ENTPD1: variants seen among roughly 807,000 people sequenced by gnomAD.
ENTPD1 encodes the protein ATP diphosphohydrolase.
Under a neutral mutation model 57.0 loss-of-function variants are expected in ENTPD1, and 33 were observed. That is an observed-to-expected ratio of 0.58 (90% CI 0.44 to 0.77). The LOEUF (loss-of-function observed/expected upper bound fraction) is 0.77, where lower values mean the gene tolerates loss of function less well. Ranked by LOEUF, ENTPD1 falls within the 30% of genes least tolerant of loss-of-function variation. The probability of loss-of-function intolerance (pLI) is 0.00; values close to 1 mark genes in which losing one functional copy is unlikely to be tolerated. For synonymous variants in ENTPD1, 202 were observed against 218.8 expected, an observed-to-expected ratio of 0.92 and a Z score of 0.68; for missense variants, 501 against 603.4, an observed-to-expected ratio of 0.83 and a Z score of 1.78.
At chr10:95,773,509 G>C (rs1303502063) in intron 1 of ENTPD1, among the ~76,000 whole-genome samples, 1 of 151,582 alleles carries the variant, frequency 6.6e-6, no homozygotes, top group Non-Finnish European at 1.5e-5. Context: ...AGCCTTTTTT[G>C]TTCCATTTAT....
chr10:95,834,752 T>C (rs1030718377), intron 2 of ENTPD1, among the ~76,000 whole-genome samples: 2 of 151,978 alleles, frequency 1.3e-5, no homozygotes, highest in African/African-American at 4.8e-5. Context: ...CATTTCCAGG[T>C]CTTCACCAAG....
intron 2 of ENTPD1, among the ~76,000 whole-genome samples, chr10:95,827,673 G>A (rs535324041): frequency 2.8e-4 from 43 of 152,050 alleles, no homozygotes; most frequent in African/African-American, 9.6e-4. Flanking sequence ...TAGTAGAGAC[G>A]GGGTTTCACC....
At chr10:95,749,279 G>A (rs913840324) in intron 1 of ENTPD1, among the ~76,000 whole-genome samples, 11 of 152,158 alleles carry the variant, frequency 7.2e-5, no homozygotes, top group Admixed American at 1.3e-4. Context: ...TAATGAATTC[G>A]TTCTAAAGGT....
intron 2 of ENTPD1, among the ~76,000 whole-genome samples, chr10:95,834,876 T>C (rs2098405711): frequency 6.6e-6 from 1 of 151,946 alleles, no homozygotes. Context: ...ATGATCTTCA[T>C]GTGATCACTG....
intron 1 of ENTPD1, among the ~76,000 whole-genome samples, chr10:95,721,716 C>G (rs1406059144): frequency 6.6e-6 from 1 of 151,912 alleles, no homozygotes; most frequent in African/African-American, 2.4e-5. Context: ...TGCCATCACC[C>G]CTAGTCATTC....
At chr10:95,748,105 C>T (rs2098007987) in intron 1 of ENTPD1, among the ~76,000 whole-genome samples, 1 of 152,096 alleles carries the variant, frequency 6.6e-6, no homozygotes, top group African/African-American at 2.4e-5. Flanking sequence ...GATCTCCTGA[C>T]CTCGTGATCC....
At chr10:95,748,152 C>A (rs770242776) in intron 1 of ENTPD1, among the ~76,000 whole-genome samples, 1 of 152,146 alleles carries the variant, frequency 6.6e-6, no homozygotes, top group Non-Finnish European at 1.5e-5. Context: ...GGATTACAGG[C>A]GTGAGCCACC....
At position 95,867,673 on chromosome 10, in the gene ENTPD1, C is replaced by G. The variant is rs1555308697; in HGVS notation, c.*1290C>G. 1 of 985,306 alleles carries G rather than the reference C, an allele frequency of 1.0e-6. No individual in the cohort carries two copies. The highest frequency in any genetic ancestry group is 1.1e-4 in the East Asian group (1 of 8,822). 61.0% of individuals were successfully genotyped at this position (985,306 alleles called of 1,614,324 possible). A position where few individuals can be genotyped will look rare whatever the true frequency, so the allele number is the denominator to read the frequency against. Reference sequence around the variant, plus strand: ...CATGGAAACATGAAGAGACCCTGCACCCCTTTCCTTAAGGATTGCTGCAAG... The same window carrying G: ...CATGGAAACATGAAGAGACCCTGCAGCCCTTTCCTTAAGGATTGCTGCAAG... On this transcript the variant is annotated 3_prime_UTR_variant, in exon 10 of 10. Transcript: ENST00000371205.
intron 1 of ENTPD1, among the ~76,000 whole-genome samples, chr10:95,764,404 C>G (rs556332170): frequency 6.6e-6 from 1 of 152,030 alleles, no homozygotes; most frequent in East Asian, 1.9e-4. Context: ...GGTTATATAC[C>G]TAGGAGCAAA....
At chr10:95,827,511 A>T (rs2098381892) in intron 2 of ENTPD1, among the ~76,000 whole-genome samples, 1 of 151,736 alleles carries the variant, frequency 6.6e-6, no homozygotes, top group African/African-American at 2.4e-5. Flanking sequence ...TTTGAGACGG[A>T]GTTTCGCTCT....
chr10:95,722,857 T>A (rs2097979099), intron 1 of ENTPD1, among the ~76,000 whole-genome samples: 1 of 152,216 alleles, frequency 6.6e-6, no homozygotes. Flanking sequence ...AAATCACCCT[T>A]TTCTAACAGA....
chr10:95,722,436 C>A (rs1033161363), intron 1 of ENTPD1, among the ~76,000 whole-genome samples: 14 of 151,986 alleles, frequency 9.2e-5, no homozygotes, highest in Admixed American at 5.9e-4. Flanking sequence ...GAAAATGTGG[C>A]ACATATACAC....
chr10:95,710,701 T>A (rs1024691481), upstream of ENTPD1, among the ~76,000 whole-genome samples: 2 of 151,834 alleles, frequency 1.3e-5, no homozygotes, highest in Non-Finnish European at 2.9e-5. Context: ...GGAAGAGGGG[T>A]TTCTACTCCT....
At chr10:95,726,427 A>G (rs951051383) in intron 1 of ENTPD1, among the ~76,000 whole-genome samples, 3 of 152,172 alleles carry the variant, frequency 2.0e-5, no homozygotes, top group Non-Finnish European at 4.4e-5. Context: ...TTCTGCATAG[A>G]AAACTTCTGT....
chr10:95,714,483 C>T (rs968950817), intron 1 of ENTPD1, among the ~76,000 whole-genome samples: 6 of 152,112 alleles, frequency 3.9e-5, no homozygotes, highest in African/African-American at 1.4e-4. Flanking sequence ...AGGCATAGTG[C>T]CTTAATAAAT....
At chr10:95,721,655 C>T (rs193274751) in intron 1 of ENTPD1, among the ~76,000 whole-genome samples, 11 of 150,240 alleles carry the variant, frequency 7.3e-5, no homozygotes, top group African/African-American at 2.5e-4. Flanking sequence ...ATCTTAGGGG[C>T]GTTTTTGCCT....
chr10:95,807,422 C>T (rs543101662), intron 1 of ENTPD1, among the ~76,000 whole-genome samples: 2 of 152,336 alleles, frequency 1.3e-5, no homozygotes, highest in Admixed American at 6.5e-5. Context: ...GTCACAGCTT[C>T]CCTTGGCTAG....
chr10:95,814,257 G>A (rs540790568), intron 1 of ENTPD1, among the ~76,000 whole-genome samples: 1 of 152,258 alleles, frequency 6.6e-6, no homozygotes, highest in African/African-American at 2.4e-5. Context: ...CAATCTATGG[G>A]CAAAAGAATT....
chr10:95,871,142 T>A lies in ENTPD1; in HGVS notation c.*4759T>A, dbSNP rs2098479975. ...CTCAATAAAATATAAACAAGTCAGATAAACAGTGGGAGGAATGGCAAAGTC... is the reference window on the plus strand; with the variant it reads ...CTCAATAAAATATAAACAAGTCAGAAAAACAGTGGGAGGAATGGCAAAGTC... On this transcript the variant is annotated 3_prime_UTR_variant, in exon 10 of 10. Transcript: ENST00000371205. The A allele has an allele frequency of 1.0e-6, 1 of 985,434 alleles. No individual in the cohort carries two copies. The highest frequency in any genetic ancestry group is 1.2e-6 in the Non-Finnish European group (1 of 829,922). The allele number at this position is 985,434 out of a possible 1,614,324, so 61.0% of individuals were successfully genotyped here.
Sources: gnomAD v4.1 joint callset for allele counts (sites outside exome capture counted in the v4.1 genomes callset) on GRCh38, gnomAD v4.1.1 for gene constraint, MANE v1.5 for transcripts, NCBI Gene and HGNC (gene_info 2026-07-23, HGNC 2026-07-21) for gene names.